INCA1: variants seen among roughly 807,000 people sequenced by gnomAD.
INCA1 encodes the protein protein INCA1.
In INCA1, 28 loss-of-function variants were observed where a neutral mutation model predicts 25.7. That is an observed-to-expected ratio of 1.09 (90% confidence interval 0.81 to 1.49). INCA1 has a LOEUF of 1.49. Ranked by LOEUF, INCA1 falls within the 40% of genes most tolerant of loss-of-function variation. INCA1 has a pLI of 0.00. For missense variants in INCA1, 309 were observed against 290.9 expected, an observed-to-expected ratio of 1.06 and a Z score of -0.45; for synonymous variants, 111 against 103.6, an observed-to-expected ratio of 1.07 and a Z score of -0.43.
exon 1 of INCA1, chr17:4,997,009 C>G (rs998074075): frequency 6.5e-6 from 1 of 152,970 alleles, no homozygotes; most frequent in African/African-American, 2.4e-5. Context: ...TGACCTAGAT[C>G]CAAGGGCAGG....
At chr17:4,994,421 T>C in exon 2 of INCA1, 1 of 1,613,728 alleles carries the variant, frequency 6.2e-7, no homozygotes, top group Non-Finnish European at 8.5e-7. Context: ...GTTGACTCCA[T>C]CATCCTGCAC....
chr17:4,990,332 T>C, intron 2 of INCA1, 67 bp from the exon 3 acceptor site: 1 of 1,523,912 alleles, frequency 6.6e-7, no homozygotes, highest in Non-Finnish European at 8.8e-7. Flanking sequence ...ATCCCAAGGA[T>C]TCAGGGGCCA....
In INCA1 at chr17:4,989,558, A is replaced by G. The variant is rs771261059; in HGVS notation, c.265T>C (p.Trp89Arg). 10 of 1,614,146 alleles carry G rather than the reference A, an allele frequency of 6.2e-6. No individual in the cohort carries two copies. The East Asian group carries it at 2.2e-4, about 36-fold the overall frequency. The change falls in exon 5 of 7, where the codon TGG becomes CGG. Residue 89 changes from tryptophan (W) to arginine (R), a missense_variant. Trp to Arg is a moderately radical substitution (Grantham distance 101). Coordinates refer to ENST00000576820, the Ensembl canonical transcript of INCA1. ...CATGGCCTCCTCTTCTTTCTTCTCC[A>G]AAGCATTTCAGGGGGTGGGAGCTGC...
intron 3 of INCA1, 49 bp from the exon 4 acceptor site, chr17:4,989,978 C>T: frequency 6.2e-7 from 1 of 1,613,078 alleles, no homozygotes; most frequent in Admixed American, 1.7e-5. Context: ...ACATGTCCAT[C>T]CATATTGCTT....
chr17:4,996,388 G>GAA (rs879765607), intron 1 of INCA1, among the ~76,000 whole-genome samples: 1 of 133,128 alleles, frequency 7.5e-6, no homozygotes, highest in Admixed American at 7.8e-5. Flanking sequence ...TTTCTAAGAA[G>GAA]AAAAAAAAAA....
intron 3 of INCA1, 76 bp from the exon 4 acceptor site, chr17:4,990,005 C>CG: frequency 1.2e-6 from 2 of 1,611,728 alleles, no homozygotes; most frequent in South Asian, 2.2e-5. Flanking sequence ...TAATCTCTCC[C>CG]GACCTCCTTT....
exon 3 of INCA1, chr17:4,990,175 C>A (rs1239843079): frequency 6.2e-7 from 1 of 1,614,168 alleles, no homozygotes; most frequent in East Asian, 2.2e-5. Context: ...TAAGGTTCTT[C>A]CAGAAGACAT....
At chr17:4,990,292 G>A (rs1973783096) in intron 2 of INCA1, 27 bp from the exon 3 acceptor site, 15 of 1,598,554 alleles carry the variant, frequency 9.4e-6, no homozygotes, top group African/African-American at 1.3e-5. Flanking sequence ...GTAGGCTCGG[G>A]TCTGGCTCTT....
chr17:4,990,744 G>A (rs946700944), intron 2 of INCA1, among the ~76,000 whole-genome samples: 2 of 151,254 alleles, frequency 1.3e-5, no homozygotes, highest in Non-Finnish European at 2.9e-5. Context: ...TTAGCCAGGC[G>A]TGGTGGCGGG....
chr17:4,989,347 T>C, intron 5 of INCA1, 81 bp downstream of exon 5: 1 of 1,352,416 alleles, frequency 7.4e-7, no homozygotes, highest in Non-Finnish European at 1.0e-6. Flanking sequence ...CCCTCAAAGC[T>C]GTCAACCCCT....
intron 2 of INCA1, among the ~76,000 whole-genome samples, chr17:4,993,470 G>A (rs1182356902): frequency 1.3e-5 from 2 of 151,854 alleles, no homozygotes; most frequent in Non-Finnish European, 2.9e-5. Context: ...GAGCCATTGG[G>A]CCCGGCCTTT....
chr17:4,997,006 G>C (rs1385851568), exon 1 of INCA1: 2 of 152,992 alleles, frequency 1.3e-5, no homozygotes. Flanking sequence ...GGGTGACCTA[G>C]ATCCAAGGGC....
chr17:4,988,912 G>A (rs1973582215), exon 6 of INCA1: 2 of 1,614,046 alleles, frequency 1.2e-6, no homozygotes, highest in Non-Finnish European at 1.7e-6. Context: ...CTCAGATGCA[G>A]CCCCAGAGCT....
exon 6 of INCA1, chr17:4,988,815 C>T (rs1470416986): frequency 6.2e-7 from 1 of 1,614,216 alleles, no homozygotes; most frequent in South Asian, 1.1e-5. Flanking sequence ...GGTCCTCTTC[C>T]TGTGGATAGG....
At chr17:4,990,366 G>T in intron 2 of INCA1, 101 bp from the exon 3 acceptor site, 2 of 1,367,998 alleles carry the variant, frequency 1.5e-6, no homozygotes, top group South Asian at 1.5e-5. Context: ...CTATAAAGCT[G>T]CCCAGGTTCC....
At chr17:4,990,751 C>T (rs192196468) in intron 2 of INCA1, among the ~76,000 whole-genome samples, 53 of 151,124 alleles carry the variant, frequency 3.5e-4, no homozygotes, top group African/African-American at 7.3e-5. Context: ...GGCGTGGTGG[C>T]GGGCACCTGT....
At chr17:4,989,606 G>C (rs773256316) in exon 5 of INCA1, 1 of 1,613,876 alleles carries the variant, frequency 6.2e-7, no homozygotes, top group South Asian at 1.1e-5. Flanking sequence ...AGACCAAGCT[G>C]GGAGCAACCA....
exon 7 of INCA1, chr17:4,988,457 C>T: frequency 6.2e-7 from 1 of 1,613,764 alleles, no homozygotes; most frequent in Non-Finnish European, 8.5e-7. Context: ...AAGGGGGTTC[C>T]TTCTGGCTGT....
chr17:4,990,207 G>A, exon 3 of INCA1: 1 of 1,614,172 alleles, frequency 6.2e-7, no homozygotes. Flanking sequence ...TGGGGCATGG[G>A]TCTGAGGCTC....
Sources: allele counts gnomAD v4.1 joint callset (sites outside exome capture counted in the v4.1 genomes callset), GRCh38; gene constraint gnomAD v4.1.1; transcripts MANE v1.5; gene names NCBI Gene and HGNC (gene_info 2026-07-23, HGNC 2026-07-21).